The following WDFY2 variants were observed in gnomAD, a reference collection of about 807,000 sequenced individuals.
The protein encoded by WDFY2 is WD repeat and FYVE domain containing 2.
A neutral mutation model predicts 56.4 loss-of-function variants in WDFY2; 36 were observed. That is an observed-to-expected ratio of 0.64 (90% CI 0.49 to 0.84). The LOEUF (loss-of-function observed/expected upper bound fraction) is 0.84, where lower values mean the gene tolerates loss of function less well. Ranked by LOEUF, WDFY2 falls within the 40% of genes least tolerant of loss-of-function variation. The pLI is 0.00. For synonymous variants in WDFY2, 176 were observed against 183.7 expected (o/e 0.96, Z 0.34); for missense variants, 444 against 512.2 (o/e 0.87, Z 1.29).
intron 7 of WDFY2, among the ~76,000 whole-genome samples, chr13:51,745,277 T>TA: frequency 6.6e-6 from 1 of 152,152 alleles, no homozygotes. Context: ...AATTGGCTTT[T>TA]AAAAAAATGA....
At chr13:51,645,936 A>G (rs1188274148) in intron 1 of WDFY2, among the ~76,000 whole-genome samples, 1 of 152,184 alleles carries the variant, frequency 6.6e-6, no homozygotes, top group Admixed American at 6.5e-5. Flanking sequence ...GGTGTTCAAG[A>G]TGAACTCAAC....
intron 3 of WDFY2, among the ~76,000 whole-genome samples, chr13:51,701,520 C>CAAAA (rs368134096): frequency 6.3e-5 from 5 of 79,528 alleles, no homozygotes; most frequent in South Asian, 4.1e-4. Flanking sequence ...GATTCCATCT[C>CAAAA]AAAAAAAAAA....
chr13:51,596,191 C>T (rs763724350), intron 1 of WDFY2, among the ~76,000 whole-genome samples: 1 of 152,120 alleles, frequency 6.6e-6, no homozygotes, highest in Non-Finnish European at 1.5e-5. Flanking sequence ...ATAATTAATT[C>T]TCTTTACATG....
At chr13:51,600,255 A>G (rs1954243813) in intron 1 of WDFY2, among the ~76,000 whole-genome samples, 1 of 152,206 alleles carries the variant, frequency 6.6e-6, no homozygotes, top group South Asian at 2.1e-4. Context: ...TCCTAATGAT[A>G]TATAATGATG....
At chr13:51,738,874 G>A (rs1384896485) in intron 6 of WDFY2, among the ~76,000 whole-genome samples, 175 bp from the exon 7 acceptor site, 2 of 152,012 alleles carry the variant, frequency 1.3e-5, no homozygotes, top group African/African-American at 2.4e-5. Context: ...TTAAAGGGTG[G>A]GAATTTCCTT....
At chr13:51,588,088 G>C (rs1330265215) in intron 1 of WDFY2, 1 of 152,218 alleles carries the variant, frequency 6.6e-6, no homozygotes, top group African/African-American at 2.4e-5. Context: ...ACCCTTGTCT[G>C]ATTCTGTCTT....
At chr13:51,727,176 A>G (rs761074113) in intron 5 of WDFY2, among the ~76,000 whole-genome samples, 62 of 152,290 alleles carry the variant, frequency 4.1e-4, no homozygotes, top group Non-Finnish European at 7.5e-4. Flanking sequence ...AGCTACCTTC[A>G]TCAGACATTT....
chr13:51,742,102 C>T (rs1032393303), intron 7 of WDFY2, among the ~76,000 whole-genome samples: 3 of 152,154 alleles, frequency 2.0e-5, no homozygotes, highest in Non-Finnish European at 4.4e-5. Context: ...GACTGCCTTT[C>T]CTTGGTATGG....
intron 6 of WDFY2, among the ~76,000 whole-genome samples, chr13:51,732,742 A>G (rs1024905746): frequency 2.0e-5 from 3 of 152,240 alleles, no homozygotes; most frequent in Non-Finnish European, 4.4e-5. Context: ...TCCAGTTTAT[A>G]TAAAGTGCAG....
intron 7 of WDFY2, among the ~76,000 whole-genome samples, chr13:51,745,172 A>G (rs1051332717): frequency 4.6e-5 from 7 of 152,222 alleles, no homozygotes; most frequent in African/African-American, 1.7e-4. Flanking sequence ...AGTCTGTGCA[A>G]CTAGATTGAT....
At position 51,751,425 on chromosome 13, in the gene WDFY2, A is replaced by T; in HGVS notation, c.831+10A>T. 2 of 1,612,868 alleles carry T rather than the reference A, an allele frequency of 1.2e-6. No homozygotes were observed. Among genetic ancestry groups the T allele is most frequent in the Admixed American group, 3.3e-5 (2 of 60,018 alleles). ...CGTGGAGAGGCAGGAGGTAGGTGGC[A>T]CAGCAGGGTGGGGTGGGCCCTGTGG... On this transcript the variant is annotated intron_variant, in intron 8 of 11. Coordinates refer to ENST00000298125, the MANE Select transcript of WDFY2 (RefSeq NM_052950.4).
intron 1 of WDFY2, among the ~76,000 whole-genome samples, chr13:51,621,820 A>C (rs894691165): frequency 1.3e-5 from 2 of 152,206 alleles, no homozygotes; most frequent in African/African-American, 4.8e-5. Context: ...TAATGACTCT[A>C]AAACTTGGGT....
chr13:51,624,338 C>T (rs1954799455), intron 1 of WDFY2, among the ~76,000 whole-genome samples: 1 of 152,164 alleles, frequency 6.6e-6, no homozygotes, highest in South Asian at 2.1e-4. Flanking sequence ...ACTTTTTCCA[C>T]CCCTGATTTG....
At chr13:51,640,073 ATTTG>A (rs1056050059) in intron 1 of WDFY2, among the ~76,000 whole-genome samples, 5 of 152,178 alleles carry the variant, frequency 3.3e-5, no homozygotes, top group Admixed American at 2.0e-4. Context: ...GAAGCCCAGA[ATTTG>A]TTTGTTATCT....
At chr13:51,649,250 G>A (rs1343317196) in intron 1 of WDFY2, among the ~76,000 whole-genome samples, 1 of 152,178 alleles carries the variant, frequency 6.6e-6, no homozygotes, top group East Asian at 1.9e-4. Flanking sequence ...TCTTCTCCCA[G>A]TGTTGGTTTG....
chr13:51,640,458 T>C (rs935916751), intron 1 of WDFY2, among the ~76,000 whole-genome samples: 10 of 152,346 alleles, frequency 6.6e-5, no homozygotes, highest in Middle Eastern at 3.4e-3. Flanking sequence ...TGTGAACAAA[T>C]TTTAGATTAC....
intron 4 of WDFY2, among the ~76,000 whole-genome samples, chr13:51,705,040 A>C (rs1952054934): frequency 6.6e-6 from 1 of 151,934 alleles, no homozygotes; most frequent in South Asian, 2.1e-4. Context: ...TTGTTTGCCC[A>C]CTCTGTGCTT....
At chr13:51,740,445 T>C (rs1952943806) in intron 7 of WDFY2, among the ~76,000 whole-genome samples, 2 of 152,256 alleles carry the variant, frequency 1.3e-5, no homozygotes, top group South Asian at 2.1e-4. Context: ...GCCGGGTGCA[T>C]TGGCTCACGC....
At chr13:51,726,270 A>C (rs1240972468) in intron 5 of WDFY2, among the ~76,000 whole-genome samples, 1 of 152,340 alleles carries the variant, frequency 6.6e-6, no homozygotes, top group Middle Eastern at 3.4e-3. Context: ...GTGTCTGTGT[A>C]TAAAGATCTC....
Sources: allele counts gnomAD v4.1 joint callset (sites outside exome capture counted in the v4.1 genomes callset), GRCh38; gene constraint gnomAD v4.1.1; transcripts MANE v1.5; gene names NCBI Gene and HGNC (gene_info 2026-07-23, HGNC 2026-07-21).